RPS6KA2: variants seen among roughly 807,000 people sequenced by gnomAD.
RPS6KA2 encodes the protein ribosomal protein S6 kinase A2, also known as ribosomal protein S6 kinase alpha-2.
RPS6KA2 carries 42 observed loss-of-function variants against 91.8 expected under a neutral mutation model. That is an observed-to-expected ratio of 0.46 (90% CI 0.36 to 0.59). RPS6KA2 has a LOEUF of 0.59. RPS6KA2 is among the 20% of genes least tolerant of loss of function. The pLI is 0.00. For synonymous variants in RPS6KA2, 414 were observed against 393.6 expected, an observed-to-expected ratio of 1.05 and a Z score of -0.61; for missense variants, 798 against 978.5, an observed-to-expected ratio of 0.82 and a Z score of 2.46.
chr6:166,631,522 T>C (rs1315313485), upstream of RPS6KA2, among the ~76,000 whole-genome samples: 1 of 152,280 alleles, frequency 6.6e-6, no homozygotes, highest in Non-Finnish European at 1.5e-5. Context: ...TTGGATTTTA[T>C]TGGTTTTTAA....
chr6:166,787,664 A>T (rs1239182777), intron 2 of RPS6KA2, among the ~76,000 whole-genome samples: 1 of 152,222 alleles, frequency 6.6e-6, no homozygotes, highest in Non-Finnish European at 1.5e-5. Context: ...ACCTTATATG[A>T]AAATTAACTC....
At chr6:166,761,821 A>G (rs906791635) in intron 2 of RPS6KA2, among the ~76,000 whole-genome samples, 2 of 152,124 alleles carry the variant, frequency 1.3e-5, no homozygotes, top group Admixed American at 6.5e-5. Flanking sequence ...TGTCCTCCCC[A>G]TTGGGAATGG....
chr6:166,750,733 C>G (rs112426984), intron 2 of RPS6KA2, among the ~76,000 whole-genome samples: 2,389 of 152,246 alleles, frequency 0.016, 70 homozygotes, highest in African/African-American at 0.055. Flanking sequence ...AAGTCTCCAG[C>G]CCTCATGCAC....
chr6:166,658,124 C>T (rs377751750), intron 2 of RPS6KA2, among the ~76,000 whole-genome samples: 47 of 152,288 alleles, frequency 3.1e-4, no homozygotes, highest in African/African-American at 8.9e-4. Flanking sequence ...TCAGGTGATT[C>T]GCCCACCTCG....
At chr6:166,651,842 G>A (rs981129945) in intron 2 of RPS6KA2, among the ~76,000 whole-genome samples, 2 of 152,252 alleles carry the variant, frequency 1.3e-5, no homozygotes, top group African/African-American at 4.8e-5. Flanking sequence ...TCACACCTGA[G>A]GAATCCACGT....
At chr6:166,571,158 T>A (rs1188743677) in intron 1 of RPS6KA2, among the ~76,000 whole-genome samples, 1 of 152,158 alleles carries the variant, frequency 6.6e-6, no homozygotes, top group African/African-American at 2.4e-5. Context: ...ACCGAAGCAC[T>A]CCACACAGGA....
At chr6:166,607,782 G>A (rs983969199) in intron 1 of RPS6KA2, among the ~76,000 whole-genome samples, 1 of 152,204 alleles carries the variant, frequency 6.6e-6, no homozygotes, top group Non-Finnish European at 1.5e-5. Flanking sequence ...TGCAAAAACA[G>A]AAACAAAATG....
Position 166,806,469 on chromosome 6 carries a change from T to A in RPS6KA2, c.123+51731A>T, listed in dbSNP as rs139169410. ...TGGTGGCCAGAAGGCAGCGAGTTAATATATTCAAAGTGCTAAAAAATTAAA... is the reference window on the plus strand; with the variant it reads ...TGGTGGCCAGAAGGCAGCGAGTTAAAATATTCAAAGTGCTAAAAAATTAAA... On this transcript the variant is annotated intron_variant, in intron 2 of 21. Coordinates refer to the RPS6KA2 transcript ENST00000503859. 5.0e-3 allele frequency among the ~76,000 whole-genome samples: 763 copies of A among 152,300 alleles called. 4 individuals carry two copies. Among genetic ancestry groups the A allele is most frequent in the African/African-American group, 0.017 (718 of 41,556 alleles).
At chr6:166,838,946 T>A (rs953870951) in intron 2 of RPS6KA2, among the ~76,000 whole-genome samples, 2 of 152,048 alleles carry the variant, frequency 1.3e-5, no homozygotes, top group Non-Finnish European at 2.9e-5. Context: ...GAGGTCGGGA[T>A]GGATGGGAGT....
intron 2 of RPS6KA2, among the ~76,000 whole-genome samples, chr6:166,689,615 C>A (rs1014347168): frequency 2.0e-5 from 3 of 152,174 alleles, no homozygotes; most frequent in African/African-American, 7.2e-5. Flanking sequence ...GGTGATACCC[C>A]CCAGGCAGGC....
intron 3 of RPS6KA2, among the ~76,000 whole-genome samples, chr6:166,511,851 A>C (rs887772115): frequency 9.9e-5 from 15 of 152,232 alleles, no homozygotes; most frequent in African/African-American, 3.6e-4. Context: ...TGCTGATGAC[A>C]GTGTAAAATG....
rs929168440 is a variant in RPS6KA2 at position 166,409,367 on chromosome 6, T to C, written c.*3395A>G. 1.3e-5 allele frequency: 2 copies of C among 152,222 alleles called. No homozygotes were observed. Among genetic ancestry groups the C allele is most frequent in the Non-Finnish European group, 2.9e-5 (2 of 68,038 alleles). The allele number at this position is 152,222 out of a possible 1,614,324, so 9.4% of individuals were successfully genotyped here. A position where few individuals can be genotyped will look rare whatever the true frequency, so the allele number is the denominator to read the frequency against. ...AACAACACAGAAAGTCCAAAGGTTATTGTTAGGCTAGAAAAAGATTACACT... is the reference window on the plus strand; with the variant it reads ...AACAACACAGAAAGTCCAAAGGTTACTGTTAGGCTAGAAAAAGATTACACT... On this transcript the variant is annotated 3_prime_UTR_variant, in exon 21 of 21. Coordinates refer to ENST00000265678, the MANE Select transcript of RPS6KA2 (RefSeq NM_021135.6).
chr6:166,778,785 C>G (rs903764376), intron 2 of RPS6KA2, among the ~76,000 whole-genome samples: 4 of 152,146 alleles, frequency 2.6e-5, no homozygotes, highest in African/African-American at 9.7e-5. Flanking sequence ...CAAGATTAAC[C>G]CATTAACTCA....
At chr6:166,422,660 G>C (rs1778764482) in intron 17 of RPS6KA2, among the ~76,000 whole-genome samples, 1 of 152,182 alleles carries the variant, frequency 6.6e-6, no homozygotes, top group Non-Finnish European at 1.5e-5. Context: ...CGGGAAATGT[G>C]AAAAGAGAGA....
intron 14 of RPS6KA2, among the ~76,000 whole-genome samples, chr6:166,436,157 C>T (rs1197238978): frequency 3.9e-5 from 6 of 152,062 alleles, no homozygotes; most frequent in African/African-American, 4.8e-5. Flanking sequence ...ACCCTGACAC[C>T]GCCAGGCAAG....
chr6:166,673,485 C>T (rs1003220814), intron 2 of RPS6KA2, among the ~76,000 whole-genome samples: 3 of 152,128 alleles, frequency 2.0e-5, no homozygotes, highest in African/African-American at 7.2e-5. Context: ...GGTGCCCTGT[C>T]GACAACTCTG....
At chr6:166,839,094 G>A (rs973232930) in intron 2 of RPS6KA2, among the ~76,000 whole-genome samples, 2 of 152,196 alleles carry the variant, frequency 1.3e-5, no homozygotes, top group African/African-American at 2.4e-5. Flanking sequence ...CTCCAGAACC[G>A]TTAGACAACC....
intron 2 of RPS6KA2, among the ~76,000 whole-genome samples, chr6:166,632,794 C>T (rs965447660): frequency 2.0e-5 from 3 of 152,036 alleles, no homozygotes; most frequent in African/African-American, 7.2e-5. Flanking sequence ...AAACTGGGAG[C>T]CCGAGCTTAG....
At chr6:166,416,200 A>T (rs62438432) in intron 19 of RPS6KA2, among the ~76,000 whole-genome samples, 1 of 1,044 alleles carries the variant, frequency 9.6e-4, no homozygotes, top group African/African-American at 2.7e-3. Context: ...TTCTCCATCA[A>T]CCCTACCATC....
Sources: allele counts gnomAD v4.1 joint callset (sites outside exome capture counted in the v4.1 genomes callset), GRCh38; gene constraint gnomAD v4.1.1; transcripts MANE v1.5; gene names NCBI Gene and HGNC (gene_info 2026-07-23, HGNC 2026-07-21).